ZNF385B: variants seen among roughly 807,000 people sequenced by gnomAD.
ZNF385B encodes zinc finger protein 385B, also known as zinc finger protein 533.
Under a neutral mutation model 39.2 loss-of-function variants are expected in ZNF385B, and 23 were observed. The observed-to-expected ratio is 0.59, with a 90% CI of 0.42 to 0.83. ZNF385B has a LOEUF of 0.83. Ranked by LOEUF, ZNF385B falls within the 40% of genes least tolerant of loss-of-function variation. The pLI is 0.00. For synonymous variants in ZNF385B, 205 were observed against 222.6 expected (o/e 0.92, Z 0.70); for missense variants, 552 against 598.9 (o/e 0.92, Z 0.82).
chr2:179,472,010 T>G (rs2052827299), intron 6 of ZNF385B, among the ~76,000 whole-genome samples: 1 of 152,260 alleles, frequency 6.6e-6, no homozygotes, highest in South Asian at 2.1e-4. Flanking sequence ...ATTAGGCATC[T>G]TAATGCATAA....
intron 3 of ZNF385B, among the ~76,000 whole-genome samples, chr2:179,755,086 T>C (rs952273221): frequency 1.3e-5 from 2 of 152,224 alleles, no homozygotes; most frequent in Non-Finnish European, 2.9e-5. Context: ...TAAATTTCCC[T>C]CTACACACTG....
At chr2:179,851,809 C>T (rs775023352) in intron 1 of ZNF385B, among the ~76,000 whole-genome samples, 5 of 152,128 alleles carry the variant, frequency 3.3e-5, no homozygotes, top group Non-Finnish European at 7.3e-5. Flanking sequence ...GAATTGTTAC[C>T]CATACACAGT....
intron 4 of ZNF385B, chr2:179,534,783 A>T (rs1396119730): frequency 1.3e-5 from 2 of 152,104 alleles, no homozygotes; most frequent in Non-Finnish European, 2.9e-5. Context: ...GACGGTCAGA[A>T]GTTTACTTTA....
intron 1 of ZNF385B, among the ~76,000 whole-genome samples, chr2:179,803,222 T>C (rs2106556713): frequency 6.6e-6 from 1 of 152,282 alleles, no homozygotes; most frequent in Middle Eastern, 3.4e-3. Context: ...TTATAAATAG[T>C]TCAGTAGATT....
chr2:179,508,274 A>G (rs922221676), intron 5 of ZNF385B, among the ~76,000 whole-genome samples: 1 of 152,240 alleles, frequency 6.6e-6, no homozygotes, highest in Non-Finnish European at 1.5e-5. Context: ...CAGTCTAGCA[A>G]TTCTACCTGT....
At chr2:179,499,593 C>T (rs1252006711) in intron 5 of ZNF385B, among the ~76,000 whole-genome samples, 3 of 151,912 alleles carry the variant, frequency 2.0e-5, no homozygotes, top group African/African-American at 7.2e-5. Context: ...AATTCAACAT[C>T]CCTTCATGAT....
intron 6 of ZNF385B, among the ~76,000 whole-genome samples, chr2:179,463,364 CTTA>C: frequency 6.6e-6 from 1 of 151,118 alleles, no homozygotes; most frequent in South Asian, 2.1e-4. Context: ...TTTTTTTATT[CTTA>C]TTATGCTTTA....
intron 3 of ZNF385B, among the ~76,000 whole-genome samples, chr2:179,746,567 A>G (rs955751984): frequency 6.6e-6 from 1 of 152,160 alleles, no homozygotes; most frequent in Non-Finnish European, 1.5e-5. Flanking sequence ...AATTTCATAA[A>G]CAATAGAGAT....
intron 5 of ZNF385B, among the ~76,000 whole-genome samples, chr2:179,493,644 T>C (rs1286639157): frequency 1.2e-4 from 12 of 97,168 alleles, no homozygotes; most frequent in African/African-American, 4.4e-4. Flanking sequence ...TGTATACACA[T>C]ATGCGTATAC....
intron 3 of ZNF385B, among the ~76,000 whole-genome samples, chr2:179,636,898 T>C (rs561318145): frequency 4.6e-5 from 7 of 152,280 alleles, no homozygotes; most frequent in Non-Finnish European, 7.4e-5. Flanking sequence ...TCTTATTGCA[T>C]TGGTGGAGTG....
At chr2:179,564,309 G>C (rs1416577975) in intron 3 of ZNF385B, among the ~76,000 whole-genome samples, 2 of 152,148 alleles carry the variant, frequency 1.3e-5, no homozygotes, top group African/African-American at 4.8e-5. Context: ...GAAAACTACA[G>C]GAGAGACAGA....
chr2:179,760,460 T>C (rs569800899), intron 3 of ZNF385B, among the ~76,000 whole-genome samples: 8 of 152,314 alleles, frequency 5.3e-5, no homozygotes, highest in Non-Finnish European at 1.2e-4. Context: ...CTTTTTCCAC[T>C]CAGTATAATT....
intron 3 of ZNF385B, among the ~76,000 whole-genome samples, chr2:179,699,477 T>C (rs1699011364): frequency 6.6e-6 from 1 of 152,222 alleles, no homozygotes; most frequent in African/African-American, 2.4e-5. Flanking sequence ...GACATAATTG[T>C]GGATGTTACA....
At chr2:179,655,113 G>A (rs947282337) in intron 3 of ZNF385B, among the ~76,000 whole-genome samples, 1 of 152,146 alleles carries the variant, frequency 6.6e-6, no homozygotes, top group African/African-American at 2.4e-5. Flanking sequence ...GTAGTTTTTG[G>A]ATTCCACTAC....
chr2:179,763,586 A>G (rs1194782136), intron 3 of ZNF385B, among the ~76,000 whole-genome samples: 1 of 152,138 alleles, frequency 6.6e-6, no homozygotes, highest in African/African-American at 2.4e-5. Context: ...CTTGGTCGGG[A>G]ACTTACTTAT....
intron 3 of ZNF385B, among the ~76,000 whole-genome samples, chr2:179,737,511 T>C (rs914686146): frequency 6.7e-6 from 1 of 149,892 alleles, no homozygotes; most frequent in Non-Finnish European, 1.5e-5. Flanking sequence ...CCCATCAATA[T>C]CTACCTGTTT....
At chr2:179,691,242 C>A (rs368668531) in intron 3 of ZNF385B, among the ~76,000 whole-genome samples, 10 of 152,060 alleles carry the variant, frequency 6.6e-5, no homozygotes, top group Admixed American at 6.5e-4. Flanking sequence ...CCTATGAAAA[C>A]GAACTCAAAA....
intron 3 of ZNF385B, among the ~76,000 whole-genome samples, chr2:179,719,565 T>C (rs1308694705): frequency 5.3e-5 from 8 of 152,208 alleles, no homozygotes; most frequent in Admixed American, 4.6e-4. Context: ...ACGGGCTGCA[T>C]TGCCCACTTG....
intron 1 of ZNF385B, among the ~76,000 whole-genome samples, chr2:179,791,659 C>T (rs1038736101): frequency 1.3e-5 from 2 of 152,288 alleles, no homozygotes; most frequent in African/African-American, 4.8e-5. Flanking sequence ...AGTAACAGTG[C>T]CATGGCAAGC....
Sources: gnomAD v4.1 joint callset for allele counts (sites outside exome capture counted in the v4.1 genomes callset) on GRCh38, gnomAD v4.1.1 for gene constraint, MANE v1.5 for transcripts, NCBI Gene and HGNC (gene_info 2026-07-23, HGNC 2026-07-21) for gene names.